CDH13: variants seen among roughly 807,000 people sequenced by gnomAD.
CDH13 encodes cadherin 13, also known as cadherin-13.
A neutral mutation model predicts 63.8 loss-of-function variants in CDH13; 24 were observed. The observed-to-expected ratio is 0.38, with a 90% CI of 0.27 to 0.53. The LOEUF is 0.53. CDH13 is among the 20% of genes least tolerant of loss of function. The pLI is 0.85. For missense variants in CDH13, 1,049 were observed against 903.1 expected (o/e 1.16, Z -2.07); for synonymous variants, 503 against 355.3 (o/e 1.42, Z -4.67).
chr16:82,860,191 C>T (rs1237515478), intron 2 of CDH13, among the ~76,000 whole-genome samples: 6 of 152,020 alleles, frequency 3.9e-5, no homozygotes, highest in African/African-American at 1.2e-4. Flanking sequence ...AAATGCGAAG[C>T]GACCCTGAGT....
At chr16:82,716,228 A>T (rs1330351232) in intron 1 of CDH13, among the ~76,000 whole-genome samples, 1 of 152,070 alleles carries the variant, frequency 6.6e-6, no homozygotes, top group Non-Finnish European at 1.5e-5. Context: ...TCCTGCCTTT[A>T]TGGAAACTGG....
chr16:82,725,729 A>G (rs1321223020), intron 1 of CDH13, among the ~76,000 whole-genome samples: 2 of 152,116 alleles, frequency 1.3e-5, no homozygotes, highest in African/African-American at 4.8e-5. Context: ...TTGTAAACTG[A>G]TTTGAACACC....
chr16:83,288,276 A>G (rs1489101642), intron 5 of CDH13, among the ~76,000 whole-genome samples: 1 of 152,178 alleles, frequency 6.6e-6, no homozygotes, highest in Non-Finnish European at 1.5e-5. Flanking sequence ...TGTGTGAGCC[A>G]TTGTGTTGCA....
At chr16:83,794,775 C>G (rs1021595353) in intron 13 of CDH13, among the ~76,000 whole-genome samples, 1 of 152,034 alleles carries the variant, frequency 6.6e-6, no homozygotes, top group Non-Finnish European at 1.5e-5. Context: ...AATAGCAGCT[C>G]TCGGTCTGAG....
chr16:83,324,035 T>C (rs1283549555), intron 5 of CDH13, among the ~76,000 whole-genome samples: 1 of 139,994 alleles, frequency 7.1e-6, no homozygotes, highest in Non-Finnish European at 1.6e-5. Flanking sequence ...TTATTTCTTC[T>C]TCTTCTTTTT....
At chr16:82,883,129 A>G (rs746167297) in intron 2 of CDH13, among the ~76,000 whole-genome samples, 1 of 152,222 alleles carries the variant, frequency 6.6e-6, no homozygotes, top group Non-Finnish European at 1.5e-5. Context: ...CATTAAATTC[A>G]GAAAGCATAA....
intron 4 of CDH13, among the ~76,000 whole-genome samples, chr16:83,184,155 A>AAG (rs904627229): frequency 6.6e-6 from 1 of 151,252 alleles, no homozygotes; most frequent in African/African-American, 2.4e-5. Context: ...GTAAAAAAAA[A>AAG]AAAAGTCAGA....
chr16:83,609,384 C>A (rs1321580884), intron 8 of CDH13, among the ~76,000 whole-genome samples: 1 of 137,548 alleles, frequency 7.3e-6, no homozygotes, highest in Non-Finnish European at 1.6e-5. Context: ...AAAAACTAAT[C>A]TTTAAATCAA....
At chr16:83,015,843 G>A (rs1324783545) in intron 2 of CDH13, among the ~76,000 whole-genome samples, 5 of 151,114 alleles carry the variant, frequency 3.3e-5, no homozygotes, top group Non-Finnish European at 1.5e-5. Context: ...GAGATCCCAT[G>A]TAAGAATTAT....
intron 1 of CDH13, among the ~76,000 whole-genome samples, chr16:82,806,025 G>A (rs2151169720): frequency 6.6e-6 from 1 of 152,234 alleles, no homozygotes; most frequent in Admixed American, 6.5e-5. Context: ...AAGGCACATG[G>A]CAGGTGGGAG....
chr16:82,919,506 C>A (rs1411605305), intron 2 of CDH13, among the ~76,000 whole-genome samples: 21 of 152,168 alleles, frequency 1.4e-4, no homozygotes, highest in Admixed American at 1.4e-3. Flanking sequence ...TGATGGCCTC[C>A]AGCTCCATCT....
intron 4 of CDH13, among the ~76,000 whole-genome samples, chr16:83,190,390 A>G (rs2038661067): frequency 6.6e-6 from 1 of 152,234 alleles, no homozygotes; most frequent in Non-Finnish European, 1.5e-5. Flanking sequence ...GTTCTACCAA[A>G]GTCAAATTGC....
At chr16:83,423,101 ATG>A (rs1034986594) in intron 6 of CDH13, among the ~76,000 whole-genome samples, 2 of 152,186 alleles carry the variant, frequency 1.3e-5, no homozygotes, top group Middle Eastern at 3.2e-3. Context: ...CTCACTGGAA[ATG>A]TGTTTCCCCC....
intron 7 of CDH13, among the ~76,000 whole-genome samples, chr16:83,520,668 G>A (rs1038071369): frequency 2.6e-5 from 4 of 152,276 alleles, no homozygotes; most frequent in African/African-American, 9.6e-5. Context: ...TTTGATTACA[G>A]CTTCTCAGCC....
At chr16:82,672,380 C>A (rs561343250) in intron 1 of CDH13, among the ~76,000 whole-genome samples, 1 of 152,146 alleles carries the variant, frequency 6.6e-6, no homozygotes, top group Non-Finnish European at 1.5e-5. Context: ...TATTCCTAAA[C>A]TCCCATGTAT....
intron 7 of CDH13, among the ~76,000 whole-genome samples, chr16:83,586,205 G>A (rs1360254437): frequency 6.6e-6 from 1 of 152,172 alleles, no homozygotes; most frequent in Non-Finnish European, 1.5e-5. Flanking sequence ...GCAGCCTGGG[G>A]CTAGAACCAC....
chr16:83,144,627 G>A (rs1166235457), intron 4 of CDH13, among the ~76,000 whole-genome samples: 1 of 152,194 alleles, frequency 6.6e-6, no homozygotes, highest in Non-Finnish European at 1.5e-5. Context: ...CCCAGATCCT[G>A]CCAAAGGCAA....
At chr16:83,756,413 C>T (rs542416568) in intron 11 of CDH13, among the ~76,000 whole-genome samples, 3 of 152,324 alleles carry the variant, frequency 2.0e-5, no homozygotes, top group South Asian at 2.1e-4. Context: ...AGTACAGTCT[C>T]TCCTAAAAAC....
At chr16:83,241,983 T>A (rs1000323325) in intron 5 of CDH13, among the ~76,000 whole-genome samples, 2 of 152,152 alleles carry the variant, frequency 1.3e-5, no homozygotes, top group Admixed American at 1.3e-4. Flanking sequence ...CACATTTAGG[T>A]CTTTAATCCA....
Sources: gnomAD v4.1 joint callset for allele counts (sites outside exome capture counted in the v4.1 genomes callset) on GRCh38, gnomAD v4.1.1 for gene constraint, MANE v1.5 for transcripts, NCBI Gene and HGNC (gene_info 2026-07-23, HGNC 2026-07-21) for gene names.